The following CABLES1 variants were observed in gnomAD, a reference collection of about 807,000 sequenced individuals.
The protein encoded by CABLES1 is CDK5 and ABL1 enzyme substrate 1.
A neutral mutation model predicts 57.8 loss-of-function variants in CABLES1; 36 were observed. That is an observed-to-expected ratio of 0.62 (90% CI 0.48 to 0.82). The LOEUF (loss-of-function observed/expected upper bound fraction) is 0.82. Ranked by LOEUF, CABLES1 falls within the 40% of genes least tolerant of loss-of-function variation. The probability of loss-of-function intolerance (pLI) is 0.00; values close to 1 mark genes in which losing one functional copy is unlikely to be tolerated. For missense variants in CABLES1, 767 were observed against 836.6 expected (o/e 0.92, Z 1.03); for synonymous variants, 374 against 363.0 (o/e 1.03, Z -0.35).
In CABLES1 at chr18:23,140,462, A is replaced by G. The variant is rs1203955481; in HGVS notation, c.845+3855A>G. On this transcript the variant is annotated intron_variant, in intron 1 of 9. Transcript: ENST00000256925. The stretch of plus-strand genomic sequence containing the variant: ...TCTTTTTTTTTTTTTTTTGAGATGG[A>G]GTCTTGCTCTGTCACCTAGGCTGGA... Among the ~76,000 whole-genome samples, 30 of 136,238 alleles carry G rather than the reference A, an allele frequency of 2.2e-4. No individual in the cohort carries two copies. In the East Asian group the frequency reaches 4.9e-3, roughly 22 times the overall value. The allele number at this position is 136,238 out of a possible 152,430, so 89.4% of individuals were successfully genotyped here. A position where few individuals can be genotyped will look rare whatever the true frequency, so the allele number is the denominator to read the frequency against.
intron 1 of CABLES1, among the ~76,000 whole-genome samples, chr18:23,174,631 C>T (rs2047107974): frequency 6.6e-6 from 1 of 151,428 alleles, no homozygotes; most frequent in Non-Finnish European, 1.5e-5. Flanking sequence ...ACCACCACAC[C>T]CGGCTAATTT....
intron 4 of CABLES1, among the ~76,000 whole-genome samples, chr18:23,232,062 C>T (rs1043769094): frequency 5.9e-5 from 9 of 152,170 alleles, no homozygotes; most frequent in South Asian, 2.1e-4. Flanking sequence ...GTAAATAGTT[C>T]GTTACATATC....
At chr18:23,244,637 C>A (rs2047828415) in intron 7 of CABLES1, among the ~76,000 whole-genome samples, 1 of 152,240 alleles carries the variant, frequency 6.6e-6, no homozygotes, top group Non-Finnish European at 1.5e-5. Context: ...AGCCCGAATG[C>A]CGGTATACAA....
chr18:23,236,128 C>A, intron 6 of CABLES1, 77 bp downstream of exon 6: 1 of 1,487,810 alleles, frequency 6.7e-7, no homozygotes, highest in Non-Finnish European at 9.2e-7. Flanking sequence ...TTGAGTCTCC[C>A]TGTGATGCAG....
chr18:23,227,982 G>T (rs2047540388), intron 4 of CABLES1, among the ~76,000 whole-genome samples: 1 of 152,218 alleles, frequency 6.6e-6, no homozygotes, highest in Admixed American at 6.5e-5. Context: ...AGCACCATTA[G>T]AGAAAGGATG....
chr18:23,179,911 GTTTTTA>G (rs1414250294), intron 1 of CABLES1, among the ~76,000 whole-genome samples: 3 of 152,058 alleles, frequency 2.0e-5, no homozygotes, highest in Non-Finnish European at 4.4e-5. Context: ...TTTTGTTTTT[GTTTTTA>G]TTTTTGTTTT....
At chr18:23,226,273 G>T (rs2047526622) in intron 4 of CABLES1, among the ~76,000 whole-genome samples, 1 of 152,076 alleles carries the variant, frequency 6.6e-6, no homozygotes, top group Admixed American at 6.5e-5. Flanking sequence ...ATGGTGGCAT[G>T]TGCCCGTAGT....
In CABLES1 at chr18:23,243,058, CAT is replaced by C. The variant is rs753345675; in HGVS notation, c.1446+5818_1446+5819del. ...ATAAGTTATAATTTAATAACATACTCATATATTTATTATAATTTATATAGAAT... is the reference window on the plus strand; with the variant it reads ...ATAAGTTATAATTTAATAACATACTCATATTTATTATAATTTATATAGAAT... On this transcript the variant is annotated intron_variant, in intron 7 of 9. Coordinates refer to ENST00000256925, the MANE Select transcript of CABLES1 (RefSeq NM_001100619.3). Among the ~76,000 whole-genome samples, 135 of 150,092 alleles carry C rather than the reference CAT, an allele frequency of 9.0e-4. 1 individual carries two copies. Among genetic ancestry groups the C allele is most frequent in the Middle Eastern group, 7.1e-3 (2 of 280 alleles).
At chr18:23,253,138 C>A in intron 8 of CABLES1, 72 bp downstream of exon 8, 1 of 849,954 alleles carries the variant, frequency 1.2e-6, no homozygotes, top group East Asian at 2.5e-5. Context: ...AGCTTGTCAT[C>A]TGTCCAGTGG....
At chr18:23,140,416 T>C (rs1452100186) in intron 1 of CABLES1, among the ~76,000 whole-genome samples, 1 of 150,558 alleles carries the variant, frequency 6.6e-6, no homozygotes, top group Non-Finnish European at 1.5e-5. Flanking sequence ...AGTGTACTAT[T>C]TTTCTTTCTT....
intron 1 of CABLES1, among the ~76,000 whole-genome samples, chr18:23,174,621 A>T (rs377105174): frequency 3.3e-5 from 5 of 151,272 alleles, no homozygotes; most frequent in Admixed American, 6.6e-5. Context: ...ACAGGCACCC[A>T]CCACCACACC....
At chr18:23,155,149 G>A (rs2046957399) in intron 1 of CABLES1, among the ~76,000 whole-genome samples, 1 of 152,182 alleles carries the variant, frequency 6.6e-6, no homozygotes, top group African/African-American at 2.4e-5. Flanking sequence ...TGCAATGTTC[G>A]TTATGCGTAA....
chr18:23,143,761 G>A (rs1026294827), intron 1 of CABLES1, among the ~76,000 whole-genome samples: 1 of 152,010 alleles, frequency 6.6e-6, no homozygotes, highest in African/African-American at 2.4e-5. Context: ...TCCTTGCCTT[G>A]TTTCACAGCC....
chr18:23,193,820 C>T (rs894271104), intron 2 of CABLES1, among the ~76,000 whole-genome samples: 1 of 152,152 alleles, frequency 6.6e-6, no homozygotes, highest in African/African-American at 2.4e-5. Context: ...TTTAAAAAAA[C>T]TTGAATCCAA....
chr18:23,253,112 C>G (rs762998684), intron 8 of CABLES1, 46 bp downstream of exon 8: 9 of 1,030,256 alleles, frequency 8.7e-6, no homozygotes, highest in African/African-American at 1.6e-5. Flanking sequence ...GCAAACCCCT[C>G]TTTCCACACA....
chr18:23,228,884 G>A (rs1008470270), intron 4 of CABLES1, among the ~76,000 whole-genome samples: 3 of 152,090 alleles, frequency 2.0e-5, no homozygotes, highest in African/African-American at 4.8e-5. Flanking sequence ...AAGCTGCAGC[G>A]CTACCCAGGA....
At chr18:23,200,290 C>A (rs2145034371) in intron 3 of CABLES1, among the ~76,000 whole-genome samples, 1 of 151,410 alleles carries the variant, frequency 6.6e-6, no homozygotes. Flanking sequence ...GATGGAGTCT[C>A]ACTCTGTCTC....
intron 4 of CABLES1, among the ~76,000 whole-genome samples, chr18:23,228,715 C>A (rs1216087159): frequency 2.7e-5 from 4 of 149,066 alleles, no homozygotes. Flanking sequence ...CCCCCACCCC[C>A]GTGGGCCAGT....
Position 23,257,601 on chromosome 18 carries a change from C to G in CABLES1, c.*234C>G. 4.5e-6 allele frequency: 2 copies of G among 446,046 alleles called. No homozygotes were observed. The highest frequency in any genetic ancestry group is 7.8e-6 in the Non-Finnish European group (2 of 257,478). 27.6% of individuals were successfully genotyped at this position (446,046 alleles called of 1,614,324 possible). A position where few individuals can be genotyped will look rare whatever the true frequency, so the allele number is the denominator to read the frequency against. On this transcript the variant is annotated 3_prime_UTR_variant, in exon 10 of 10. Transcript: ENST00000256925. ...GGGAAGAGGAGGTGTGTGCTGAGAA[C>G]AGAGAGGCCCTGCCCTCTGTCCACT...
Sources: allele counts gnomAD v4.1 joint callset (sites outside exome capture counted in the v4.1 genomes callset), GRCh38; gene constraint gnomAD v4.1.1; transcripts MANE v1.5; gene names NCBI Gene and HGNC (gene_info 2026-07-23, HGNC 2026-07-21).